The following RIMBP2 variants were observed in gnomAD, a reference collection of about 807,000 sequenced individuals.
RIMBP2 encodes the protein RIMS-binding protein 2.
Under a neutral mutation model 118.6 loss-of-function variants are expected in RIMBP2, and 48 were observed. The ratio of observed to expected loss-of-function variants is 0.40; its 90% confidence interval spans 0.32 to 0.51. The LOEUF (loss-of-function observed/expected upper bound fraction) is 0.51, where lower values mean the gene tolerates loss of function less well. RIMBP2 is among the 20% of genes least tolerant of loss of function. RIMBP2 has a pLI of 0.41. For synonymous variants in RIMBP2, 762 were observed against 742.9 expected, an observed-to-expected ratio of 1.03 and a Z score of -0.42; for missense variants, 1,551 against 1,768.3, an observed-to-expected ratio of 0.88 and a Z score of 2.20.
At chr12:130,423,029 G>A (rs1295085222) in intron 16 of RIMBP2, among the ~76,000 whole-genome samples, 1 of 152,110 alleles carries the variant, frequency 6.6e-6, no homozygotes, top group African/African-American at 2.4e-5. Flanking sequence ...ACTGAAAGAC[G>A]GAAGTTTCTA....
chr12:130,511,167 A>C lies in RIMBP2; in HGVS notation c.-126-4397T>G, dbSNP rs974871916. On this transcript the variant is annotated intron_variant, in intron 3 of 22. Coordinates refer to ENST00000690449, the MANE Select transcript of RIMBP2 (RefSeq NM_001393629.1). This position sits in a 1 kb window ranked among gnomAD's most constrained non-coding sequence, Gnocchi z 4.3. Reference sequence around the variant, plus strand: ...GGAAAAGCAGAGTCAGAGACAAAAAAGAGAGAGCTTAGGTGATGCTCTGCT... The same window carrying C: ...GGAAAAGCAGAGTCAGAGACAAAAACGAGAGAGCTTAGGTGATGCTCTGCT... Among the ~76,000 whole-genome samples, 3 of 152,156 alleles carry C rather than the reference A, an allele frequency of 2.0e-5. No homozygotes were observed. The highest frequency in any genetic ancestry group is 6.5e-5 in the Admixed American group (1 of 15,284).
intron 5 of RIMBP2, among the ~76,000 whole-genome samples, chr12:130,476,450 G>A (rs1407703045): frequency 6.6e-6 from 1 of 152,162 alleles, no homozygotes; most frequent in Admixed American, 6.5e-5. Context: ...GTGCCTCATG[G>A]TGCAGGCACC....
At chr12:130,602,431 G>A (rs1309888166) in intron 2 of RIMBP2, among the ~76,000 whole-genome samples, 1 of 152,182 alleles carries the variant, frequency 6.6e-6, no homozygotes, top group Non-Finnish European at 1.5e-5. Flanking sequence ...TCCCTTCAAT[G>A]CCCTCCGCCC....
chr12:130,669,531 T>C (rs1021344755), intron 1 of RIMBP2, among the ~76,000 whole-genome samples: 22 of 152,014 alleles, frequency 1.4e-4, no homozygotes, highest in Non-Finnish European at 3.1e-4. Context: ...AAGGGGCTCT[T>C]CCCCTTTCAC....
chr12:130,676,789 G>A (rs1012026088), intron 1 of RIMBP2, among the ~76,000 whole-genome samples: 3 of 152,268 alleles, frequency 2.0e-5, no homozygotes, highest in South Asian at 2.1e-4. Flanking sequence ...GCTTCCTGCC[G>A]ATCCCACGCA....
intron 2 of RIMBP2, among the ~76,000 whole-genome samples, chr12:130,619,646 C>A (rs1270307464): frequency 6.8e-6 from 1 of 146,946 alleles, no homozygotes; most frequent in African/African-American, 2.5e-5. Context: ...GATCTCTAAT[C>A]TAGCCACGGT....
chr12:130,709,348 G>A (rs1449650873), intron 1 of RIMBP2, among the ~76,000 whole-genome samples: 1 of 152,190 alleles, frequency 6.6e-6, no homozygotes. Flanking sequence ...TGGGCACTGG[G>A]GACTCAGCCA....
chr12:130,517,249 C>G (rs1259316350), intron 3 of RIMBP2, among the ~76,000 whole-genome samples: 2 of 152,142 alleles, frequency 1.3e-5, no homozygotes, highest in African/African-American at 4.8e-5. Flanking sequence ...TGAGCACACT[C>G]AGTCCCCTTG....
intron 1 of RIMBP2, among the ~76,000 whole-genome samples, chr12:130,704,770 C>A (rs1254920270): frequency 6.6e-6 from 1 of 152,110 alleles, no homozygotes; most frequent in East Asian, 1.9e-4. Flanking sequence ...AGCCAGAGAG[C>A]ACCTGCAAGA....
At position 130,407,752 on chromosome 12, in the gene RIMBP2, C is replaced by G; in HGVS notation, c.3667G>C (p.Glu1223Gln). The stretch of plus-strand genomic sequence containing the variant: ...TCGACATCGACGTTGGGCGAGCTTT[C>G]TCTGGGGTCGTAGTCATACAGGGCC... ...MVALYDYDPR[E>Q]SSPNVDVEAE... Residue 1223 changes from glutamate to glutamine, a missense_variant, in exon 20 of 23, where the codon GAA becomes CAA. Around this residue, in one of 5 missense-constraint regions of RIMBP2, gnomAD observed 1,038 missense variants for 1,125.1 expected, o/e 0.92. Transcript: ENST00000690449. The G allele has an allele frequency of 6.2e-7, 1 of 1,614,142 alleles. No homozygotes were observed. The highest frequency in any genetic ancestry group is 1.7e-5 in the Admixed American group (1 of 60,028).
In RIMBP2 at chr12:130,397,117, G is replaced by A. The variant is rs761981056; in HGVS notation, c.*244C>T. On this transcript the variant is annotated 3_prime_UTR_variant, in exon 23 of 23. Coordinates refer to ENST00000690449, the MANE Select transcript of RIMBP2 (RefSeq NM_001393629.1). Reference sequence around the variant, plus strand: ...ATGCGCCCCCGTTTGTTAATAAGACGTCCCCTCCCACCTCCCAAATCAGAG... The same window carrying A: ...ATGCGCCCCCGTTTGTTAATAAGACATCCCCTCCCACCTCCCAAATCAGAG... The A allele has an allele frequency of 2.4e-5, 7 of 296,572 alleles. No individual in the cohort carries two copies. The highest frequency in any genetic ancestry group is 1.3e-4 in the African/African-American group (6 of 46,576). The allele number at this position is 296,572 out of a possible 1,614,324, so 18.4% of individuals were successfully genotyped here.
At chr12:130,480,303 A>G (rs2081864971) in intron 4 of RIMBP2, among the ~76,000 whole-genome samples, 1 of 152,106 alleles carries the variant, frequency 6.6e-6, no homozygotes, top group South Asian at 2.1e-4. Context: ...GATTCCTTCA[A>G]AAATGGGAAG....
chr12:130,698,200 G>T (rs1446395820), intron 1 of RIMBP2, among the ~76,000 whole-genome samples: 1 of 152,162 alleles, frequency 6.6e-6, no homozygotes, highest in Non-Finnish European at 1.5e-5. Context: ...GAAGGCGTGG[G>T]CCACAGAGCC....
intron 2 of RIMBP2, among the ~76,000 whole-genome samples, chr12:130,600,977 A>T (rs1458969524): frequency 6.6e-6 from 1 of 152,090 alleles, no homozygotes; most frequent in African/African-American, 2.4e-5. Context: ...CACCTCTATA[A>T]GTTGTCCCTT....
chr12:130,479,607 C>T (rs573589483), intron 4 of RIMBP2, among the ~76,000 whole-genome samples: 3 of 127,210 alleles, frequency 2.4e-5, no homozygotes, highest in Admixed American at 7.0e-5. Flanking sequence ...GGGAGCTTCC[C>T]GGCCTCGGGC....
At chr12:130,575,070 C>T (rs2057988832) in intron 2 of RIMBP2, among the ~76,000 whole-genome samples, 1 of 81,254 alleles carries the variant, frequency 1.2e-5, no homozygotes, top group Non-Finnish European at 2.4e-5. Context: ...ATCACATCCC[C>T]CAACCCCACC....
chr12:130,622,399 A>G lies in RIMBP2; in HGVS notation c.-217+5923T>C, dbSNP rs2140853320. On this transcript the variant is annotated intron_variant, in intron 2 of 22. Transcript: ENST00000690449. The surrounding 1 kb of genome is among the most constrained non-coding windows in gnomAD (Gnocchi z 8.5). ...GAAAAAGGAAACTACATATAACACA[A>G]AACTGTTGGTTAATTCACTAGTTAT... Among the ~76,000 whole-genome samples the G allele has an allele frequency of 6.6e-6, 1 of 152,262 alleles. No homozygotes were observed. Among genetic ancestry groups the G allele is most frequent in the East Asian group, 1.9e-4 (1 of 5,190 alleles).
At chr12:130,453,556 C>G (rs930904779) in intron 7 of RIMBP2, among the ~76,000 whole-genome samples, 1 of 152,260 alleles carries the variant, frequency 6.6e-6, no homozygotes, top group Non-Finnish European at 1.5e-5. Context: ...GGAGGACTCT[C>G]TGCTACGTGG....
Position 130,620,996 on chromosome 12 carries a change from C to T in RIMBP2, c.-217+7326G>A, listed in dbSNP as rs368057928. On this transcript the variant is annotated intron_variant, in intron 2 of 22. Coordinates refer to ENST00000690449, the MANE Select transcript of RIMBP2 (RefSeq NM_001393629.1). The surrounding 1 kb of genome is among the most constrained non-coding windows in gnomAD (Gnocchi z 5.3). ...CATGGTTACATTAGCCATGGGCGGG[C>T]GAGCAACCTGCCTTGAGATCTGGCT... Among the ~76,000 whole-genome samples the T allele has an allele frequency of 1.6e-4, 24 of 152,110 alleles. No individual in the cohort carries two copies. The highest frequency in any genetic ancestry group is 2.4e-4 in the African/African-American group (10 of 41,426).
Sources: gnomAD v4.1 joint callset for allele counts (sites outside exome capture counted in the v4.1 genomes callset) on GRCh38, gnomAD v4.1.1 for gene constraint, gnomAD v4.1.1 regional missense constraint, Gnocchi (gnomAD v3.1) non-coding constraint, MANE v1.5 for transcripts, NCBI Gene and HGNC (gene_info 2026-07-23, HGNC 2026-07-21) for gene names.